DEFB134: variants seen among roughly 807,000 people sequenced by gnomAD.
DEFB134 encodes the protein beta-defensin 134.
DEFB134 carries 7 observed loss-of-function variants against 7.4 expected under a neutral mutation model. The observed-to-expected ratio is 0.95, with a 90% CI of 0.54 to 1.79. The LOEUF is 1.79. Among genes scored for constraint, DEFB134 ranks in the 40% most tolerant of loss-of-function variants. The probability of loss-of-function intolerance (pLI) is 0.00; values close to 1 mark genes in which losing one functional copy is unlikely to be tolerated. For missense variants in DEFB134, 105 were observed against 74.8 expected (o/e 1.40, Z -1.49); for synonymous variants, 33 against 25.0 (o/e 1.32, Z -0.96).
chr8:11,996,694 T>A (rs886136499), upstream of DEFB134, among the ~76,000 whole-genome samples: 2 of 152,240 alleles, frequency 1.3e-5, no homozygotes, highest in African/African-American at 2.4e-5. Context: ...CAAACTGTCA[T>A]TCTAAAGAAA....
chr8:11,996,255 T>C (rs755387717), exon 1 of DEFB134: 3 of 1,613,558 alleles, frequency 1.9e-6, no homozygotes, highest in South Asian at 1.1e-5. Context: ...GCTTCATGGC[T>C]GGGAACTTCT....
At chr8:11,997,507 A>G (rs1395664392), upstream of DEFB134, among the ~76,000 whole-genome samples, 5 of 152,232 alleles carry the variant, frequency 3.3e-5, no homozygotes, top group Non-Finnish European at 5.9e-5. Context: ...TCATAGCCTC[A>G]AAGGAAAGGG....
chr8:11,997,917 C>A (rs922718530), upstream of DEFB134, among the ~76,000 whole-genome samples: 6 of 152,190 alleles, frequency 3.9e-5, no homozygotes, highest in African/African-American at 1.4e-4. Context: ...ACAGAATACA[C>A]ATTCTTGTCA....
upstream of DEFB134, among the ~76,000 whole-genome samples, chr8:11,999,972 T>G (rs1039373938): frequency 6.6e-6 from 1 of 152,198 alleles, no homozygotes; most frequent in Non-Finnish European, 1.5e-5. Context: ...CTGGGTTTGG[T>G]ATTTCTTTAG....
upstream of DEFB134, among the ~76,000 whole-genome samples, chr8:11,997,908 CAGA>C (rs1348239121): frequency 6.6e-6 from 1 of 152,186 alleles, no homozygotes; most frequent in Non-Finnish European, 1.5e-5. Context: ...CACACACCAA[CAGA>C]ATACACATTC....
At chr8:11,994,381 G>A (rs1800063112) in intron 1 of DEFB134, among the ~76,000 whole-genome samples, 1 of 152,150 alleles carries the variant, frequency 6.6e-6, no homozygotes, top group African/African-American at 2.4e-5. Flanking sequence ...AGGTCATGAT[G>A]GTGGAACCCT....
upstream of DEFB134, among the ~76,000 whole-genome samples, chr8:12,000,452 G>A (rs919246848): frequency 6.6e-6 from 1 of 152,132 alleles, no homozygotes; most frequent in Non-Finnish European, 1.5e-5. Flanking sequence ...ACAATATATA[G>A]TAGTTATTCC....
exon 1 of DEFB134, chr8:11,996,259 A>T (rs753077660): frequency 6.2e-7 from 1 of 1,613,566 alleles, no homozygotes; most frequent in Non-Finnish European, 8.5e-7. Flanking sequence ...CATGGCTGGG[A>T]ACTTCTGTTA....
chr8:11,996,977 A>G (rs1045146992), upstream of DEFB134, among the ~76,000 whole-genome samples: 25 of 152,242 alleles, frequency 1.6e-4, no homozygotes, highest in African/African-American at 6.0e-4. Flanking sequence ...AAGTTTTGCC[A>G]TATCTATACG....
At chr8:11,997,438 G>A (rs1462272302), upstream of DEFB134, among the ~76,000 whole-genome samples, 1 of 152,168 alleles carries the variant, frequency 6.6e-6, no homozygotes, top group African/African-American at 2.4e-5. Flanking sequence ...ATATTCAGGA[G>A]TAGAAAGGCT....
chr8:11,996,889 T>C (rs775432422), upstream of DEFB134, among the ~76,000 whole-genome samples: 7 of 152,234 alleles, frequency 4.6e-5, no homozygotes, highest in Non-Finnish European at 7.3e-5. Context: ...AAATAATTGT[T>C]ACTATTTAAA....
At position 11,996,295 on chromosome 8, in the gene DEFB134, T is replaced by A; in HGVS notation, c.-44A>T. 1 of 1,607,334 alleles carries A rather than the reference T, an allele frequency of 6.2e-7. No homozygotes were observed. Among genetic ancestry groups the A allele is most frequent in the Non-Finnish European group, 8.5e-7 (1 of 1,174,186 alleles). On this transcript the variant is annotated 5_prime_UTR_variant, in exon 1 of 2. The change abolishes an upstream ATG in the 5' untranslated region. Coordinates refer to ENST00000526438, the Ensembl canonical transcript of DEFB134. ...AGGAGGCTAGTGGCAGGGTCTGACA[T>A]CGGCTGTCAGGGAACAGAGAGAAGA...
upstream of DEFB134, among the ~76,000 whole-genome samples, chr8:11,998,384 G>A (rs4132327): frequency 0.45 from 67,786 of 151,598 alleles, 17,862 homozygotes; most frequent in East Asian, 0.9. Flanking sequence ...CTAAGGGGTT[G>A]GGACTACAGT....
At chr8:11,995,797 A>G (rs1800103096) in intron 1 of DEFB134, among the ~76,000 whole-genome samples, 1 of 152,214 alleles carries the variant, frequency 6.6e-6, no homozygotes, top group Non-Finnish European at 1.5e-5. Flanking sequence ...GGGCATTACT[A>G]ATGAAAATAC....
upstream of DEFB134, among the ~76,000 whole-genome samples, chr8:11,996,491 G>C (rs1372483290): frequency 2.0e-5 from 3 of 152,184 alleles, no homozygotes; most frequent in Non-Finnish European, 4.4e-5. Flanking sequence ...CAAAGACACT[G>C]TTCTCCCACC....
upstream of DEFB134, chr8:11,998,965 A>AC (rs1341357164): frequency 6.6e-6 from 1 of 152,332 alleles, no homozygotes; most frequent in Non-Finnish European, 1.5e-5. Context: ...GAAAAGTACA[A>AC]CCTCCCAAGG....
At chr8:11,995,102 G>C (rs139623387) in intron 1 of DEFB134, among the ~76,000 whole-genome samples, 2 of 152,154 alleles carry the variant, frequency 1.3e-5, no homozygotes, top group African/African-American at 4.8e-5. Flanking sequence ...AAGCCCTAGA[G>C]GACAATCTGT....
upstream of DEFB134, among the ~76,000 whole-genome samples, chr8:11,998,619 A>T (rs934236503): frequency 6.6e-6 from 1 of 152,158 alleles, no homozygotes; most frequent in East Asian, 1.9e-4. Context: ...AGAACCTAAC[A>T]TCACACTTAG....
upstream of DEFB134, among the ~76,000 whole-genome samples, chr8:12,000,543 T>A (rs1353470141): frequency 6.6e-6 from 1 of 152,196 alleles, no homozygotes; most frequent in East Asian, 1.9e-4. Flanking sequence ...ATACAGTGCT[T>A]TTTTTCTATA....
Sources: gnomAD v4.1 joint callset for allele counts (sites outside exome capture counted in the v4.1 genomes callset) on GRCh38, gnomAD v4.1.1 for gene constraint, MANE v1.5 for transcripts, NCBI Gene and HGNC (gene_info 2026-07-23, HGNC 2026-07-21) for gene names.